The following TRIM24 variants were observed in gnomAD, a reference collection of about 807,000 sequenced individuals.
The protein encoded by TRIM24 is transcription intermediary factor 1-alpha.
In TRIM24, 29 loss-of-function variants were observed where a neutral mutation model predicts 123.9. That is an observed-to-expected ratio of 0.23 (90% CI 0.17 to 0.32). The LOEUF (loss-of-function observed/expected upper bound fraction) is 0.32, where lower values mean the gene tolerates loss of function less well. Ranked by LOEUF, TRIM24 falls within the 10% of genes least tolerant of loss-of-function variation. TRIM24 has a pLI of 1.00. For missense variants in TRIM24, 932 were observed against 1,295.3 expected, an observed-to-expected ratio of 0.72 and a Z score of 4.31; for synonymous variants, 456 against 461.1, an observed-to-expected ratio of 0.99 and a Z score of 0.14.
At chr7:138,509,186 T>A (rs6947224) in intron 2 of TRIM24, among the ~76,000 whole-genome samples, 4,396 of 151,742 alleles carry the variant, frequency 0.029, 182 homozygotes, top group African/African-American at 0.093. Flanking sequence ...TAACCTCAAG[T>A]TATCCACCCT....
intron 14 of TRIM24, among the ~76,000 whole-genome samples, chr7:138,578,171 T>C (rs1253452870): frequency 6.6e-6 from 1 of 152,032 alleles, no homozygotes; most frequent in Non-Finnish European, 1.5e-5. Context: ...CCTAGAAAGA[T>C]AAGCAACTGA....
At position 138,586,629 on chromosome 7, in the gene TRIM24, G is replaced by T. The variant is rs185658201; in HGVS notation, c.*1678G>T. The T allele has an allele frequency of 2.0e-5, 3 of 152,308 alleles. No homozygotes were observed. The highest frequency in any genetic ancestry group is 1.9e-4 in the East Asian group (1 of 5,190). 9.4% of individuals were successfully genotyped at this position (152,308 alleles called of 1,614,324 possible). A position where few individuals can be genotyped will look rare whatever the true frequency, so the allele number is the denominator to read the frequency against. On this transcript the variant is annotated 3_prime_UTR_variant, in exon 19 of 19. Coordinates refer to ENST00000343526, the MANE Select transcript of TRIM24 (RefSeq NM_015905.3). ...TAATGTTTGTCATTGTTGTTTTAAA[G>T]TTGCATTTGACATTTGTTCTCCAAA...
At chr7:138,539,446 G>A (rs1393094215) in intron 7 of TRIM24, among the ~76,000 whole-genome samples, 1 of 152,136 alleles carries the variant, frequency 6.6e-6, no homozygotes, top group Admixed American at 6.6e-5. Flanking sequence ...CAGGAGATCT[G>A]GGGTGGGGCT....
chr7:138,545,352 T>C (rs1797081271), intron 7 of TRIM24: 1 of 451,544 alleles, frequency 2.2e-6, no homozygotes, highest in East Asian at 7.0e-5. Context: ...GAGGGAGGAA[T>C]ACGGAAGTGG....
At position 138,567,371 on chromosome 7, in the gene TRIM24, T is replaced by C. The variant is rs559829208; in HGVS notation, c.1531-110T>C. 15 of 996,376 alleles carry C rather than the reference T, an allele frequency of 1.5e-5. No homozygotes were observed. The East Asian group carries it at 3.8e-4, about 25-fold the overall frequency. 61.7% of individuals were successfully genotyped at this position (996,376 alleles called of 1,614,324 possible). On this transcript the variant is annotated intron_variant, in intron 9 of 18. Coordinates refer to ENST00000343526, the MANE Select transcript of TRIM24 (RefSeq NM_015905.3). ...CCTTATGTAAATCTTAATAATTGAT[T>C]GATCTGTGGCAGAGTTCTATTTTTC... is the stretch of plus-strand genomic sequence containing the variant.
chr7:138,513,501 ACGAT>A (rs1796331422), intron 2 of TRIM24, among the ~76,000 whole-genome samples: 1 of 152,202 alleles, frequency 6.6e-6, no homozygotes, highest in African/African-American at 2.4e-5. Flanking sequence ...TGCTCAGCTT[ACGAT>A]CATGGCAGAA....
At chr7:138,497,097 G>A (rs576108305) in intron 1 of TRIM24, among the ~76,000 whole-genome samples, 1 of 152,250 alleles carries the variant, frequency 6.6e-6, no homozygotes, top group Non-Finnish European at 1.5e-5. Flanking sequence ...CATAAAATAA[G>A]GTTGGAATTA....
chr7:138,460,501 G>A lies in TRIM24; in HGVS notation c.-48G>A. ...GGAGGAGGAGGTCGTCGGGGGCGGC[G>A]GGCGGAGACCGCGCTCTCGCTTCCC... On this transcript the variant is annotated 5_prime_UTR_variant, in exon 1 of 19. Coordinates refer to ENST00000343526, the MANE Select transcript of TRIM24 (RefSeq NM_015905.3). The A allele has an allele frequency of 8.0e-7, 1 of 1,257,490 alleles. No individual in the cohort carries two copies. Among genetic ancestry groups the A allele is most frequent in the Non-Finnish European group, 9.9e-7 (1 of 1,005,340 alleles). 77.9% of individuals were successfully genotyped at this position (1,257,490 alleles called of 1,614,324 possible). A position where few individuals can be genotyped will look rare whatever the true frequency, so the allele number is the denominator to read the frequency against.
At chr7:138,561,372 A>G (rs1303001582) in intron 9 of TRIM24, among the ~76,000 whole-genome samples, 1 of 152,186 alleles carries the variant, frequency 6.6e-6, no homozygotes, top group Non-Finnish European at 1.5e-5. Context: ...CTACACGGCA[A>G]TGAAGGGGGC....
intron 7 of TRIM24, among the ~76,000 whole-genome samples, chr7:138,540,245 A>G (rs1003496906): frequency 1.3e-5 from 2 of 152,212 alleles, no homozygotes; most frequent in African/African-American, 4.8e-5. Flanking sequence ...TAAGATGACA[A>G]TGAAGTTTGC....
chr7:138,570,131 G>A (rs1263202998), intron 10 of TRIM24, among the ~76,000 whole-genome samples: 1 of 152,052 alleles, frequency 6.6e-6, no homozygotes, highest in East Asian at 1.9e-4. Context: ...TGTTTTAGTA[G>A]AGATGGAGTT....
At chr7:138,518,352 G>A (rs1796441459) in intron 3 of TRIM24, among the ~76,000 whole-genome samples, 1 of 152,114 alleles carries the variant, frequency 6.6e-6, no homozygotes. Context: ...GTTATTAATA[G>A]TAATTATCTC....
At chr7:138,574,302 A>G (rs1274289663) in intron 12 of TRIM24, among the ~76,000 whole-genome samples, 1 of 152,154 alleles carries the variant, frequency 6.6e-6, no homozygotes, top group African/African-American at 2.4e-5. Context: ...ATTTCCTCTG[A>G]GAGAAAAACG....
chr7:138,584,801 A>G lies in TRIM24; in HGVS notation c.3003A>G (p.Leu1001=), dbSNP rs931137738. The change falls in exon 19 of 19, where the codon CTA becomes CTG. Residue 1001 remains leucine, a synonymous_variant. Coordinates refer to ENST00000343526, the MANE Select transcript of TRIM24 (RefSeq NM_015905.3). The part of the protein sequence containing the change: ...IKLENYFEEL[L]KNLYPEKRFP... ...TTGAAAATTATTTTGAAGAACTTCTAAAGAACCTCTATCCAGAAAAAAGGT... is the reference window on the plus strand; with the variant it reads ...TTGAAAATTATTTTGAAGAACTTCTGAAGAACCTCTATCCAGAAAAAAGGT... 6.8e-6 allele frequency: 11 copies of G among 1,613,202 alleles called. No individual in the cohort carries two copies. Among genetic ancestry groups the G allele is most frequent in the African/African-American group, 2.7e-5 (2 of 74,852 alleles).
intron 9 of TRIM24, among the ~76,000 whole-genome samples, chr7:138,560,208 G>C (rs1797398010): frequency 6.6e-6 from 1 of 152,146 alleles, no homozygotes; most frequent in Non-Finnish European, 1.5e-5. Flanking sequence ...CACTTTTCCT[G>C]AACTCTGTGG....
intron 2 of TRIM24, 36 bp downstream of exon 2, chr7:138,504,444 G>GTTTTTTTTTTTTTTTTT (rs1563036659): frequency 5.0e-6 from 3 of 603,602 alleles, no homozygotes. Context: ...TTGCCTGCCA[G>GTTTTTTTTTTTTTTTTT]CTCTTTTTTT....
intron 2 of TRIM24, among the ~76,000 whole-genome samples, chr7:138,511,209 T>C (rs1397955270): frequency 6.6e-6 from 1 of 152,016 alleles, no homozygotes. Context: ...CTTACAATCA[T>C]GGTGGAAGGT....
chr7:138,490,836 G>T lies in TRIM24; in HGVS notation c.365-13454G>T, dbSNP rs143824603. The T allele has an allele frequency of 7.9e-3, 3,634 of 458,810 alleles. 90 individuals are homozygous for T. The highest frequency in any genetic ancestry group is 0.04 in the South Asian group (2,328 of 58,698). The allele number at this position is 458,810 out of a possible 1,614,324, so 28.4% of individuals were successfully genotyped here. ...ATTGACCACATCTTTCAAGTCATTT[G>T]TCTGTACCTGTCAGGTCATGATTTC... On this transcript the variant is annotated intron_variant, in intron 1 of 18. Transcript: ENST00000343526.
chr7:138,581,842 C>CTT lies in TRIM24; in HGVS notation c.2793+72_2793+73dup, dbSNP rs1797901228. On this transcript the variant is annotated intron_variant, in intron 17 of 18. Transcript: ENST00000343526. ...TTTCTGGAATTTTATGAGAATCTAG[C>CTT]TTATATTACCATTTTTCAGTACTTT... is the stretch of plus-strand genomic sequence containing the variant. 3.4e-6 allele frequency: 4 copies of CTT among 1,171,444 alleles called. No individual in the cohort carries two copies. The Admixed American group carries it at 6.1e-5, about 18-fold the overall frequency. 72.6% of individuals were successfully genotyped at this position (1,171,444 alleles called of 1,614,324 possible). A position where few individuals can be genotyped will look rare whatever the true frequency, so the allele number is the denominator to read the frequency against.
Sources: allele counts gnomAD v4.1 joint callset (sites outside exome capture counted in the v4.1 genomes callset), GRCh38; gene constraint gnomAD v4.1.1; transcripts MANE v1.5; gene names NCBI Gene and HGNC (gene_info 2026-07-23, HGNC 2026-07-21).